The following ZSCAN5B variants were observed in gnomAD, a reference collection of about 807,000 sequenced individuals.
ZSCAN5B encodes the protein zinc finger and SCAN domain-containing protein 5B.
A neutral mutation model predicts 25.2 loss-of-function variants in ZSCAN5B; 26 were observed. The observed-to-expected ratio is 1.03, with a 90% CI of 0.76 to 1.43. The LOEUF (loss-of-function observed/expected upper bound fraction) is 1.43, where lower values mean the gene tolerates loss of function less well. Among genes scored for constraint, ZSCAN5B ranks in the 40% most tolerant of loss-of-function variants. The pLI is 0.00. For synonymous variants in ZSCAN5B, 244 were observed against 240.9 expected (o/e 1.01, Z -0.12); for missense variants, 745 against 622.1 (o/e 1.20, Z -2.10).
intron 1 of ZSCAN5B, among the ~76,000 whole-genome samples, chr19:56,196,462 G>C (rs1310445652): frequency 6.6e-6 from 1 of 151,990 alleles, no homozygotes; most frequent in Admixed American, 6.6e-5. Flanking sequence ...ATTGCTAAGG[G>C]AGTCGATTTC....
At position 56,191,860 on chromosome 19, in the gene ZSCAN5B, G is replaced by C. The variant is rs1160548267; in HGVS notation, c.578C>G (p.Ser193Cys). The C allele has an allele frequency of 3.1e-6, 5 of 1,613,578 alleles. No individual in the cohort carries two copies. In the South Asian group the frequency reaches 4.4e-5, roughly 14 times the overall value. The change falls in exon 3 of 5, where the codon TCC (serine) becomes TGC (cysteine). Residue 193 changes from serine to cysteine, a missense_variant. By Grantham distance (112) the Ser-to-Cys change is moderately radical. Coordinates refer to ENST00000586855, the Ensembl canonical transcript of ZSCAN5B. Reference sequence around the variant, plus strand: ...GCCTCACACACTCACCTGCCTCCTGGACAGTGCAGCGACCCTGGGCAGGAT... The same window carrying C: ...GCCTCACACACTCACCTGCCTCCTGCACAGTGCAGCGACCCTGGGCAGGAT...
At chr19:56,194,257 AT>A (rs2032778603) in intron 1 of ZSCAN5B, among the ~76,000 whole-genome samples, 1 of 151,660 alleles carries the variant, frequency 6.6e-6, no homozygotes, top group African/African-American at 2.4e-5. Flanking sequence ...TTAAAGTCTT[AT>A]GAAATTTCCA....
At position 56,190,062 on chromosome 19, in the gene ZSCAN5B, T is replaced by G. The variant is rs1199038977; in HGVS notation, c.1253A>C (p.Lys418Thr). Residue 418 changes from lysine to threonine, a missense_variant, in exon 5 of 5, where the codon AAG (lysine) becomes ACG (threonine). By Grantham distance (78) the Lys-to-Thr change is moderately conservative. Transcript: ENST00000586855. ...TAAGGTGGACTCGTGGGCGAACCGC[T>G]TTTGGCAGACGTCACACATGTAGGG... 2.5e-6 allele frequency: 4 copies of G among 1,613,966 alleles called. No individual in the cohort carries two copies. Among genetic ancestry groups the G allele is most frequent in the Non-Finnish European group, 2.5e-6 (3 of 1,179,916 alleles).
At position 56,190,099 on chromosome 19, in the gene ZSCAN5B, T is replaced by C. The variant is rs1372671415; in HGVS notation, c.1216A>G (p.Thr406Ala). The C allele has an allele frequency of 5.0e-6, 8 of 1,614,006 alleles. No homozygotes were observed. Among genetic ancestry groups the C allele is most frequent in the East Asian group, 4.5e-5 (2 of 44,874 alleles). Residue 406 changes from threonine to alanine, a missense_variant, in exon 5 of 5, where the codon ACT becomes GCT. Transcript: ENST00000586855. The stretch of plus-strand genomic sequence containing the variant: ...TCACACATGTAGGGCCTCTCGCCAG[T>C]GTGGACTCGCTGGTGAACTCGGAGG...
intron 1 of ZSCAN5B, among the ~76,000 whole-genome samples, chr19:56,196,302 T>C (rs1177654311): frequency 5.3e-5 from 8 of 152,108 alleles, no homozygotes; most frequent in African/African-American, 1.9e-4. Flanking sequence ...TCCCTATGCC[T>C]CGGCCTCCCA....
chr19:56,190,182 G>C lies in ZSCAN5B; in HGVS notation c.1133C>G (p.Thr378Arg), dbSNP rs1184028394. Residue 378 changes from threonine to arginine, a missense_variant, in exon 5 of 5, where the codon ACA becomes AGA. Physicochemically the swap from Thr to Arg is moderately conservative, Grantham distance 71. Coordinates refer to ENST00000586855, the Ensembl canonical transcript of ZSCAN5B. The stretch of plus-strand genomic sequence containing the variant: ...ATCACATTGAAAGGGTCTGTCTCCT[G>C]TGTGTGACCTCCTGTGGATGCTTAG... The C allele has an allele frequency of 3.1e-6, 5 of 1,614,052 alleles. No individual in the cohort carries two copies. The East Asian group carries it at 6.7e-5, about 22-fold the overall frequency.
rs183249060 is a variant in ZSCAN5B, at chr19:56,196,902, G to T, written c.-128+832C>A. ...CCCCTGCTCAGAAAGCGGAGATCGA[G>T]GCTGAGGCGGGCAGATTGCTTGAGC... On this transcript the variant is annotated intron_variant, in intron 1 of 4. Coordinates refer to ENST00000586855, the Ensembl canonical transcript of ZSCAN5B. 1.5e-3 allele frequency among the ~76,000 whole-genome samples: 236 copies of T among 152,320 alleles called. 1 individual carries two copies. Among genetic ancestry groups the T allele is most frequent in the African/African-American group, 5.1e-3 (212 of 41,572 alleles).
At position 56,192,755 on chromosome 19, in the gene ZSCAN5B, G is replaced by C. The variant is rs540995370; in HGVS notation, c.298C>G (p.Leu100Val). 2.4e-5 allele frequency: 38 copies of C among 1,606,600 alleles called. 2 individuals are homozygous for C. The South Asian group carries it at 4.1e-4, about 17-fold the overall frequency. Residue 100 changes from leucine (L) to valine (V), a missense_variant, in exon 2 of 5, where the codon CTC becomes GTC. Leu to Val is a conservative substitution (Grantham distance 32, BLOSUM62 1). Transcript: ENST00000586855. ...CCGTTCACCTTGACTAAGACCTGGAGCTCCTGGGGCATGGAGATCATGAAC... is the reference window on the plus strand; with the variant it reads ...CCGTTCACCTTGACTAAGACCTGGACCTCCTGGGGCATGGAGATCATGAAC...
In ZSCAN5B at chr19:56,190,283, TG is replaced by T. The variant is rs2032710686; in HGVS notation, c.1031del (p.Pro344GlnfsTer27). ...GCAGGGCCTTGGCTTCTTGGCCATC[TG>T]GGTGACTGACCGGGCCCGCAGGGCC... On this transcript the variant is annotated frameshift_variant, in exon 5 of 5. Transcript: ENST00000586855. LOFTEE classifies it low-confidence loss of function (END_TRUNC). The T allele has an allele frequency of 6.2e-7, 1 of 1,613,762 alleles. No individual in the cohort carries two copies. Among genetic ancestry groups the T allele is most frequent in the Non-Finnish European group, 8.5e-7 (1 of 1,180,014 alleles).
At chr19:56,195,378 G>T (rs1168117609) in intron 1 of ZSCAN5B, among the ~76,000 whole-genome samples, 1 of 152,124 alleles carries the variant, frequency 6.6e-6, no homozygotes, top group Non-Finnish European at 1.5e-5. Flanking sequence ...AGCAGGTCTA[G>T]GAAAAGGTGC....
exon 5 of ZSCAN5B, chr19:56,189,720 G>T (rs927857619): frequency 2.3e-6 from 3 of 1,329,998 alleles, no homozygotes; most frequent in East Asian, 2.4e-5. Context: ...TCAAACATCC[G>T]GGCAATTCCT....
At chr19:56,194,910 T>A (rs908416914) in intron 1 of ZSCAN5B, among the ~76,000 whole-genome samples, 41 of 152,168 alleles carry the variant, frequency 2.7e-4, no homozygotes, top group African/African-American at 9.9e-4. Context: ...GCCCAATTTT[T>A]TTTTCTTTTT....
At chr19:56,191,858 T>C (rs759519458) in exon 3 of ZSCAN5B, 1 of 1,614,018 alleles carries the variant, frequency 6.2e-7, no homozygotes, top group African/African-American at 1.3e-5. Context: ...ACCTGCCTCC[T>C]GGACAGTGCA....
rs1330609851 is a variant in ZSCAN5B at position 56,189,972 on chromosome 19, A to C, written c.1343T>G (p.Phe448Cys). Reference sequence around the variant, plus strand: ...AACGTTCAGGTTCCCCTTGTGGCTGAAAACTTTGCTGCAGTATTTACATTT... The same window carrying C: ...AACGTTCAGGTTCCCCTTGTGGCTGCAAACTTTGCTGCAGTATTTACATTT... Residue 448 changes from phenylalanine to cysteine, a missense_variant, in exon 5 of 5, where the codon TTC (phenylalanine) becomes TGC (cysteine). By Grantham distance (205) the Phe-to-Cys change is radical. Coordinates refer to ENST00000586855, the Ensembl canonical transcript of ZSCAN5B. 1.8e-5 allele frequency: 29 copies of C among 1,613,958 alleles called. No individual in the cohort carries two copies. The highest frequency in any genetic ancestry group is 2.5e-5 in the Non-Finnish European group (29 of 1,179,896).
At chr19:56,197,342 A>G (rs938192469) in intron 1 of ZSCAN5B, among the ~76,000 whole-genome samples, 10 of 150,872 alleles carry the variant, frequency 6.6e-5, no homozygotes, top group African/African-American at 1.7e-4. Flanking sequence ...GGTTCAAACG[A>G]CTCTCCTGAC....
chr19:56,195,220 G>A (rs1430320795), intron 1 of ZSCAN5B, among the ~76,000 whole-genome samples: 2 of 152,064 alleles, frequency 1.3e-5, no homozygotes, highest in Admixed American at 6.6e-5. Context: ...CCCAGAGGAG[G>A]AGACAATATT....
exon 2 of ZSCAN5B, chr19:56,193,105 G>A: frequency 6.8e-7 from 1 of 1,470,886 alleles, no homozygotes; most frequent in Non-Finnish European, 9.0e-7. Context: ...CCAGTAGCCA[G>A]TATCAAATTG....
At chr19:56,197,742 C>G (rs72490748) in exon 1 of ZSCAN5B, 42 of 985,382 alleles carry the variant, frequency 4.3e-5, no homozygotes, top group South Asian at 1.4e-4. Flanking sequence ...ACCTCCTTCC[C>G]GGCTTCTGCC....
At chr19:56,191,064 C>T in intron 3 of ZSCAN5B, 77 bp from the exon 4 acceptor site, 1 of 1,592,426 alleles carries the variant, frequency 6.3e-7, no homozygotes, top group Non-Finnish European at 8.5e-7. Flanking sequence ...CCCCTCCTGA[C>T]TGGACACACC....
Sources: allele counts gnomAD v4.1 joint callset (sites outside exome capture counted in the v4.1 genomes callset), GRCh38; gene constraint gnomAD v4.1.1; transcripts MANE v1.5; gene names NCBI Gene and HGNC (gene_info 2026-07-23, HGNC 2026-07-21).